TAX1BP1: variants seen among roughly 807,000 people sequenced by gnomAD.
The protein encoded by TAX1BP1 is tax1-binding protein 1.
A neutral mutation model predicts 97.7 loss-of-function variants in TAX1BP1; 62 were observed. The ratio of observed to expected loss-of-function variants is 0.63; its 90% CI spans 0.52 to 0.78. The LOEUF (loss-of-function observed/expected upper bound fraction) is 0.78, where lower values mean the gene tolerates loss of function less well. Among genes scored for constraint, TAX1BP1 ranks in the 30% least tolerant of loss-of-function variants. The probability of loss-of-function intolerance (pLI) is 0.00; values close to 1 mark genes in which losing one functional copy is unlikely to be tolerated. For missense variants in TAX1BP1, 867 were observed against 916.1 expected (o/e 0.95, Z 0.69); for synonymous variants, 340 against 304.2 (o/e 1.12, Z -1.23).
chr7:27,816,784 T>C, intron 14 of TAX1BP1, 106 bp from the exon 15 acceptor site: 1 of 1,386,330 alleles, frequency 7.2e-7, no homozygotes, highest in Non-Finnish European at 9.8e-7. Context: ...ATCTATTTTT[T>C]TCACATGCCA....
chr7:27,771,598 C>T (rs1205958690), intron 5 of TAX1BP1, among the ~76,000 whole-genome samples: 2 of 151,944 alleles, frequency 1.3e-5, no homozygotes, highest in Non-Finnish European at 2.9e-5. Context: ...GGACTACAGA[C>T]AAGACTAAAG....
chr7:27,791,212 T>C (rs1789693266), intron 8 of TAX1BP1, among the ~76,000 whole-genome samples: 2 of 152,134 alleles, frequency 1.3e-5, no homozygotes, highest in African/African-American at 4.8e-5. Context: ...TTACATTTCC[T>C]TCTAAGGGGC....
chr7:27,796,292 T>G, intron 12 of TAX1BP1, 73 bp downstream of exon 12: 2 of 1,210,380 alleles, frequency 1.7e-6, no homozygotes, highest in Non-Finnish European at 2.3e-6. Flanking sequence ...ATTGTTTCAA[T>G]TGATTGGTAT....
At chr7:27,797,078 ATCTCCGCC>A (rs1445200645) in intron 12 of TAX1BP1, among the ~76,000 whole-genome samples, 6 of 150,786 alleles carry the variant, frequency 4.0e-5, no homozygotes, top group Admixed American at 2.0e-4. Flanking sequence ...GCTCACTGCA[ATCTCCGCC>A]TCCTGGGTTC....
intron 5 of TAX1BP1, among the ~76,000 whole-genome samples, chr7:27,771,529 G>C (rs1304111976): frequency 6.6e-6 from 1 of 151,926 alleles, no homozygotes; most frequent in Non-Finnish European, 1.5e-5. Context: ...CATTTGAGTA[G>C]TAGCTAAGAT....
intron 2 of TAX1BP1, among the ~76,000 whole-genome samples, chr7:27,752,387 A>G (rs1416246553): frequency 6.6e-6 from 1 of 152,220 alleles, no homozygotes; most frequent in East Asian, 1.9e-4. Context: ...CTTAACCAGA[A>G]GATTACTAAG....
At chr7:27,801,836 C>T (rs1790150173) in intron 13 of TAX1BP1, among the ~76,000 whole-genome samples, 1 of 152,204 alleles carries the variant, frequency 6.6e-6, no homozygotes, top group South Asian at 2.1e-4. Context: ...TGTTTTGACA[C>T]AGACTAACAC....
intron 13 of TAX1BP1, among the ~76,000 whole-genome samples, chr7:27,802,589 GT>G (rs1456406372): frequency 1.3e-5 from 2 of 152,052 alleles, no homozygotes; most frequent in Admixed American, 1.3e-4. Context: ...TTCCAATATA[GT>G]TTCTAAGCTT....
At chr7:27,825,349 T>G (rs995989772) in intron 15 of TAX1BP1, among the ~76,000 whole-genome samples, 5 of 151,922 alleles carry the variant, frequency 3.3e-5, no homozygotes, top group African/African-American at 1.2e-4. Context: ...TTGAGTAAAA[T>G]AGAATAAATG....
intron 5 of TAX1BP1, among the ~76,000 whole-genome samples, chr7:27,773,684 C>T (rs2128313417): frequency 6.6e-6 from 1 of 151,846 alleles, no homozygotes; most frequent in African/African-American, 2.4e-5. Context: ...TTTTTGAAAC[C>T]CCATCTTTAC....
In TAX1BP1 at chr7:27,780,735, A is replaced by G. The variant is rs1789222873; in HGVS notation, c.613-4428A>G. 3.3e-5 allele frequency among the ~76,000 whole-genome samples: 5 copies of G among 152,188 alleles called. No individual in the cohort carries two copies. The South Asian group carries it at 1.0e-3, about 31-fold the overall frequency. On this transcript the variant is annotated intron_variant, in intron 5 of 16. Transcript: ENST00000396319. ...GGTGATGATTATAACTTATGTATACATAGCAATATATTTCTTTCAAGCCAA... is the reference window on the plus strand; with the variant it reads ...GGTGATGATTATAACTTATGTATACGTAGCAATATATTTCTTTCAAGCCAA...
intron 2 of TAX1BP1, among the ~76,000 whole-genome samples, chr7:27,752,645 C>T (rs534599797): frequency 7.7e-4 from 117 of 151,986 alleles, no homozygotes; most frequent in African/African-American, 2.7e-3. Context: ...GGTTTTTGTT[C>T]CTTTTAGTTT....
At chr7:27,748,125 G>C (rs760308097) in intron 1 of TAX1BP1, among the ~76,000 whole-genome samples, 1 of 152,122 alleles carries the variant, frequency 6.6e-6, no homozygotes, top group Non-Finnish European at 1.5e-5. Flanking sequence ...ACTTTTAACT[G>C]TTCTTGTTTC....
At chr7:27,763,927 G>A (rs1283843675) in intron 3 of TAX1BP1, among the ~76,000 whole-genome samples, 1 of 152,240 alleles carries the variant, frequency 6.6e-6, no homozygotes, top group Non-Finnish European at 1.5e-5. Context: ...TAAGTTTTTA[G>A]TAGCTATTAG....
At position 27,769,740 on chromosome 7, in the gene TAX1BP1, A is replaced by C; in HGVS notation, c.518A>C (p.Lys173Thr). 1.2e-6 allele frequency: 2 copies of C among 1,612,708 alleles called. No individual in the cohort carries two copies. Residue 173 changes from lysine to threonine, a missense_variant, in exon 5 of 17, where the codon AAA becomes ACA. Coordinates refer to ENST00000396319, the MANE Select transcript of TAX1BP1 (RefSeq NM_006024.7). ...TTAAAGTTAATTGCCGTTCTGGAAA[A>C]AGAAACAGCACAACTTCGAGAACAA... ...ELLKLIAVLE[K>T]ETAQLREQVG...
chr7:27,808,870 C>T (rs1462494345), intron 13 of TAX1BP1, among the ~76,000 whole-genome samples: 1 of 152,170 alleles, frequency 6.6e-6, no homozygotes, highest in East Asian at 1.9e-4. Flanking sequence ...AAGATAGCTA[C>T]ACTTATGTTA....
intron 13 of TAX1BP1, among the ~76,000 whole-genome samples, chr7:27,808,271 T>C (rs958608311): frequency 6.6e-6 from 1 of 152,220 alleles, no homozygotes; most frequent in Non-Finnish European, 1.5e-5. Flanking sequence ...TAAATACTTA[T>C]ACCTCCAATT....
At chr7:27,781,785 C>T (rs562777481) in intron 5 of TAX1BP1, among the ~76,000 whole-genome samples, 1 of 151,882 alleles carries the variant, frequency 6.6e-6, no homozygotes, top group Admixed American at 6.6e-5. Context: ...GTGGCGTGAT[C>T]TCGGCTCACT....
chr7:27,784,802 A>G (rs1004723041), intron 5 of TAX1BP1, among the ~76,000 whole-genome samples: 1 of 151,694 alleles, frequency 6.6e-6, no homozygotes, highest in Non-Finnish European at 1.5e-5. Flanking sequence ...CCTGGGTGAC[A>G]TGGCAAAACC....
Sources: allele counts gnomAD v4.1 joint callset (sites outside exome capture counted in the v4.1 genomes callset), GRCh38; gene constraint gnomAD v4.1.1; transcripts MANE v1.5; gene names NCBI Gene and HGNC (gene_info 2026-07-23, HGNC 2026-07-21).